Variants in DCAF10 observed in about 807,000 individuals in gnomAD.
The protein encoded by DCAF10 is DDB1- and CUL4-associated factor 10.
In DCAF10, 19 loss-of-function variants were observed where a neutral mutation model predicts 51.9. The observed-to-expected ratio is 0.37, with a 90% CI of 0.26 to 0.54. DCAF10 has a LOEUF of 0.54. DCAF10 is among the 20% of genes least tolerant of loss of function. The pLI, the probability that DCAF10 is intolerant of heterozygous loss-of-function variation, is 0.87. For synonymous variants in DCAF10, 291 were observed against 297.1 expected (o/e 0.98, Z 0.21); for missense variants, 510 against 730.6 (o/e 0.70, Z 3.48).
chr9:37,813,568 AC>A (rs1829419740), intron 1 of DCAF10, among the ~76,000 whole-genome samples: 5 of 152,262 alleles, frequency 3.3e-5, no homozygotes, highest in Non-Finnish European at 7.3e-5. Context: ...CAGAAGACAT[AC>A]CTGAAATGTA....
intron 1 of DCAF10, among the ~76,000 whole-genome samples, chr9:37,804,706 G>A (rs1829060026): frequency 6.6e-6 from 1 of 151,736 alleles, no homozygotes. Flanking sequence ...AACTTGGGAG[G>A]TAGAGCTTGC....
At chr9:37,837,072 T>TGA (rs1589100555) in intron 2 of DCAF10, among the ~76,000 whole-genome samples, 1 of 152,186 alleles carries the variant, frequency 6.6e-6, no homozygotes, top group Non-Finnish European at 1.5e-5. Context: ...ATTTATCCTG[T>TGA]GATTCATTCA....
intron 1 of DCAF10, among the ~76,000 whole-genome samples, chr9:37,808,505 C>A (rs573651296): frequency 3.8e-5 from 4 of 106,442 alleles, no homozygotes; most frequent in Admixed American, 1.3e-4. Context: ...ATATATAAAA[C>A]ATATATTTAT....
intron 1 of DCAF10, among the ~76,000 whole-genome samples, chr9:37,806,820 C>T (rs542904506): frequency 6.6e-6 from 1 of 152,248 alleles, no homozygotes; most frequent in African/African-American, 2.4e-5. Flanking sequence ...ATTAATGACA[C>T]TCATGTTATA....
chr9:37,841,544 A>G (rs1243718468), intron 2 of DCAF10, among the ~76,000 whole-genome samples: 3 of 152,224 alleles, frequency 2.0e-5, no homozygotes, highest in African/African-American at 7.2e-5. Flanking sequence ...AAATGTTGCT[A>G]AGAGATTATT....
chr9:37,822,960 C>G (rs894547927), intron 2 of DCAF10, among the ~76,000 whole-genome samples: 2 of 151,846 alleles, frequency 1.3e-5, no homozygotes, highest in Admixed American at 1.3e-4. Flanking sequence ...GAGCAAGACT[C>G]TATCCTTATA....
intron 2 of DCAF10, among the ~76,000 whole-genome samples, chr9:37,820,197 C>T (rs1192404137): frequency 6.6e-6 from 1 of 152,068 alleles, no homozygotes; most frequent in African/African-American, 2.4e-5. Context: ...GATGTAACTC[C>T]TATGCTCAAA....
At chr9:37,802,733 G>A (rs2119006730) in intron 1 of DCAF10, among the ~76,000 whole-genome samples, 1 of 152,336 alleles carries the variant, frequency 6.6e-6, no homozygotes, top group South Asian at 2.1e-4. Context: ...ATTGGTTGGA[G>A]CATGTAGCAG....
intron 2 of DCAF10, among the ~76,000 whole-genome samples, chr9:37,840,232 T>G (rs1222500687): frequency 6.6e-6 from 1 of 152,222 alleles, no homozygotes; most frequent in Non-Finnish European, 1.5e-5. Context: ...GTTATACTTA[T>G]TATTGTTATT....
chr9:37,801,016 C>T lies in DCAF10; in HGVS notation c.150C>T (p.Pro50=), dbSNP rs1221956555. 1 of 1,539,926 alleles carries T rather than the reference C, an allele frequency of 6.5e-7. No individual in the cohort carries two copies. Among genetic ancestry groups the T allele is most frequent in the South Asian group, 1.2e-5 (1 of 83,386 alleles). Residue 50 remains proline (P), a synonymous_variant, in exon 1 of 7, where the codon CCC becomes CCT. Coordinates refer to ENST00000377724, the MANE Select transcript of DCAF10 (RefSeq NM_024345.5). The surrounding 1 kb of genome is among the most constrained non-coding windows in gnomAD (Gnocchi z 5.5). The part of the protein sequence containing the change: ...PGADATHPPP[P]ARSPRRPGAP... ...CTGATGCGACCCATCCCCCTCCACC[C>T]GCCCGAAGCCCTCGCCGCCCCGGCG...
rs1394338627 is a variant in DCAF10, at chr9:37,865,051, C to T, written c.*3543C>T. 6.6e-6 allele frequency: 1 copy of T among 151,576 alleles called. No homozygotes were observed. Among genetic ancestry groups the T allele is most frequent in the Non-Finnish European group, 1.5e-5 (1 of 67,914 alleles). 9.4% of individuals were successfully genotyped at this position (151,576 alleles called of 1,614,324 possible). On this transcript the variant is annotated 3_prime_UTR_variant, in exon 7 of 7. Transcript: ENST00000377724. Reference sequence around the variant, plus strand: ...AGTTTGTAAAGTATGGTAAGCTGGCCTGTTATTTGTTTAGTATCTTCTGGA... The same window carrying T: ...AGTTTGTAAAGTATGGTAAGCTGGCTTGTTATTTGTTTAGTATCTTCTGGA...
intron 1 of DCAF10, among the ~76,000 whole-genome samples, chr9:37,816,659 G>GGGGGGGTGTGTGTGTGTGTGTGTGTGT: frequency 6.9e-6 from 1 of 144,984 alleles, no homozygotes; most frequent in East Asian, 2.0e-4. Flanking sequence ...CTGCACCTGG[G>GGGGGGGTGTGTGTGTGTGTGTGTGTGT]GTGTGTGTGT....
intron 1 of DCAF10, among the ~76,000 whole-genome samples, chr9:37,810,606 C>T (rs1485808763): frequency 1.3e-5 from 2 of 152,110 alleles, no homozygotes; most frequent in Non-Finnish European, 2.9e-5. Flanking sequence ...GGATTATAGG[C>T]GCCTGCCACC....
chr9:37,851,929 T>C (rs2118126928), intron 3 of DCAF10, among the ~76,000 whole-genome samples: 1 of 152,154 alleles, frequency 6.6e-6, no homozygotes, highest in South Asian at 2.1e-4. Context: ...CAAACATGAA[T>C]GTTTCATACA....
At chr9:37,832,261 C>G (rs577831470) in intron 2 of DCAF10, 3 of 150,786 alleles carry the variant, frequency 2.0e-5, no homozygotes, top group Non-Finnish European at 2.9e-5. Flanking sequence ...AGTTCAAGAC[C>G]ATCCTGGCCA....
rs1319389208 is a variant in DCAF10, at chr9:37,864,422, A to T, written c.*2914A>T. ...CATGGTGAAACCCTGTCTCTACCAA[A>T]AATACAAAAATCATAGCCAAGCGTG... On this transcript the variant is annotated 3_prime_UTR_variant, in exon 7 of 7. Transcript: ENST00000377724. The T allele has an allele frequency of 2.6e-5, 4 of 151,746 alleles. No homozygotes were observed. Among genetic ancestry groups the T allele is most frequent in the Non-Finnish European group, 5.9e-5 (4 of 68,020 alleles). 9.4% of individuals were successfully genotyped at this position (151,746 alleles called of 1,614,324 possible). A position where few individuals can be genotyped will look rare whatever the true frequency, so the allele number is the denominator to read the frequency against.
chr9:37,816,971 C>A (rs1237652647), intron 1 of DCAF10, among the ~76,000 whole-genome samples: 1 of 152,006 alleles, frequency 6.6e-6, no homozygotes, highest in African/African-American at 2.4e-5. Context: ...GTCAGTAAAG[C>A]AAATGAGGGA....
At chr9:37,838,165 TTAAAA>T (rs772263076) in intron 2 of DCAF10, among the ~76,000 whole-genome samples, 1 of 152,196 alleles carries the variant, frequency 6.6e-6, no homozygotes, top group Non-Finnish European at 1.5e-5. Flanking sequence ...AACTCAGTAA[TTAAAA>T]TAATACTGCA....
intron 2 of DCAF10, among the ~76,000 whole-genome samples, chr9:37,822,718 C>G (rs541877187): frequency 1.0e-3 from 155 of 152,018 alleles, no homozygotes; most frequent in African/African-American, 2.7e-3. Context: ...GATGGGTGCA[C>G]CAGGGTCTCA....
Sources: gnomAD v4.1 joint callset for allele counts (sites outside exome capture counted in the v4.1 genomes callset) on GRCh38, gnomAD v4.1.1 for gene constraint, Gnocchi (gnomAD v3.1) non-coding constraint, MANE v1.5 for transcripts, NCBI Gene and HGNC (gene_info 2026-07-23, HGNC 2026-07-21) for gene names.